Variants in ATP9A observed in about 807,000 individuals in gnomAD.
The protein encoded by ATP9A is probable phospholipid-transporting ATPase IIA.
A neutral mutation model predicts 144.1 loss-of-function variants in ATP9A; 52 were observed. The observed-to-expected ratio is 0.36, with a 90% CI of 0.29 to 0.45. The LOEUF (loss-of-function observed/expected upper bound fraction) is 0.45. Among genes scored for constraint, ATP9A ranks in the 20% least tolerant of loss-of-function variants. ATP9A has a pLI of 1.00. For synonymous variants in ATP9A, 582 were observed against 557.4 expected (o/e 1.04, Z -0.62); for missense variants, 947 against 1,392.7 (o/e 0.68, Z 5.09).
In ATP9A at chr20:51,598,018, T is replaced by C. The variant is rs941133467; in HGVS notation, c.*3193A>G. ...TCTGCTCCAACTTTAAGATGCGCCC[T>C]TGGGATGCCTTCCAAGCAGCTGGAG... On this transcript the variant is annotated 3_prime_UTR_variant, in exon 28 of 28. Transcript: ENST00000338821. 1 of 152,002 alleles carries C rather than the reference T, an allele frequency of 6.6e-6. No homozygotes were observed. The highest frequency in any genetic ancestry group is 2.4e-5 in the African/African-American group (1 of 41,388). 9.4% of individuals were successfully genotyped at this position (152,002 alleles called of 1,614,324 possible). A position where few individuals can be genotyped will look rare whatever the true frequency, so the allele number is the denominator to read the frequency against.
At chr20:51,602,096 A>T (rs1461677306) in intron 27 of ATP9A, among the ~76,000 whole-genome samples, 3 of 152,000 alleles carry the variant, frequency 2.0e-5, no homozygotes, top group African/African-American at 7.3e-5. Flanking sequence ...AGTCTGGGTC[A>T]TGGTGCAAAG....
intron 1 of ATP9A, among the ~76,000 whole-genome samples, chr20:51,736,586 T>A (rs977735021): frequency 1.3e-5 from 2 of 151,478 alleles, no homozygotes. Flanking sequence ...ACTCCTGGGC[T>A]CAAGCTATCC....
chr20:51,663,384 G>A (rs902277938), intron 13 of ATP9A, among the ~76,000 whole-genome samples: 19 of 152,132 alleles, frequency 1.2e-4, no homozygotes, highest in East Asian at 3.9e-4. Context: ...GTGCTTGGCC[G>A]TATGATTTAT....
chr20:51,659,839 T>G (rs2122773353), intron 13 of ATP9A, among the ~76,000 whole-genome samples: 1 of 152,314 alleles, frequency 6.6e-6, no homozygotes, highest in South Asian at 2.1e-4. Context: ...TTCTGGTCAC[T>G]GCGGGGACAC....
At chr20:51,706,429 C>T (rs556803951) in intron 4 of ATP9A, among the ~76,000 whole-genome samples, 1 of 152,062 alleles carries the variant, frequency 6.6e-6, no homozygotes, top group African/African-American at 2.4e-5. Context: ...TCCCTACATC[C>T]ACACCCATAA....
At chr20:51,736,182 C>A (rs1433162927) in intron 1 of ATP9A, among the ~76,000 whole-genome samples, 1 of 152,192 alleles carries the variant, frequency 6.6e-6, no homozygotes. Flanking sequence ...ACTCGCAAAG[C>A]ATGCAAAGAC....
At chr20:51,639,621 T>G in intron 14 of ATP9A, 117 bp from the exon 15 acceptor site, 2 of 1,108,130 alleles carry the variant, frequency 1.8e-6, no homozygotes, top group Non-Finnish European at 2.5e-6. Context: ...CAGTAGTCAC[T>G]GCCCTTAGGG....
At chr20:51,678,749 C>T (rs915811873) in intron 9 of ATP9A, among the ~76,000 whole-genome samples, 10 of 152,194 alleles carry the variant, frequency 6.6e-5, no homozygotes, top group Admixed American at 1.3e-4. Flanking sequence ...TCAGAGAGGG[C>T]CCCAGTAACA....
intron 1 of ATP9A, among the ~76,000 whole-genome samples, chr20:51,736,904 C>T: frequency 6.6e-6 from 1 of 152,056 alleles, no homozygotes; most frequent in Non-Finnish European, 1.5e-5. Context: ...AGGGTACAGA[C>T]TCTCGATATG....
At chr20:51,698,703 A>G (rs1325365868) in intron 4 of ATP9A, among the ~76,000 whole-genome samples, 3 of 152,198 alleles carry the variant, frequency 2.0e-5, no homozygotes, top group Non-Finnish European at 4.4e-5. Context: ...AATTAGACAG[A>G]CGAAGGACAC....
intron 3 of ATP9A, among the ~76,000 whole-genome samples, chr20:51,722,441 C>T (rs879833255): frequency 7.9e-5 from 12 of 152,156 alleles, no homozygotes; most frequent in East Asian, 1.9e-4. Flanking sequence ...ACAATCTATA[C>T]GTCTGACAAA....
At chr20:51,743,856 A>G (rs1443269100) in intron 1 of ATP9A, among the ~76,000 whole-genome samples, 1 of 151,476 alleles carries the variant, frequency 6.6e-6, no homozygotes, top group Admixed American at 6.6e-5. Context: ...AAAATACAAA[A>G]ATTAGCTGGA....
Position 51,689,210 on chromosome 20 carries a change from T to C in ATP9A, c.724-71A>G, listed in dbSNP as rs901168200. 6.9e-5 allele frequency: 103 copies of C among 1,485,888 alleles called. 2 individuals carry two copies. In the Admixed American group the frequency reaches 1.7e-3, roughly 24 times the overall value. 92.0% of individuals were successfully genotyped at this position (1,485,888 alleles called of 1,614,324 possible). Reference sequence around the variant, plus strand: ...CAGAATCCACAGGCTGCTTCTAGCATGGTCCGCTGGAGATAGAAAGACAGG... The same window carrying C: ...CAGAATCCACAGGCTGCTTCTAGCACGGTCCGCTGGAGATAGAAAGACAGG... On this transcript the variant is annotated intron_variant, in intron 8 of 27. Coordinates refer to ENST00000338821, the MANE Select transcript of ATP9A (RefSeq NM_006045.3).
chr20:51,687,799 G>GAATT, intron 9 of ATP9A, among the ~76,000 whole-genome samples: 1 of 151,950 alleles, frequency 6.6e-6, no homozygotes, highest in African/African-American at 2.4e-5. Flanking sequence ...ATGAATGAAT[G>GAATT]AATGAAAGAG....
At chr20:51,709,417 G>A (rs1177994366) in intron 4 of ATP9A, among the ~76,000 whole-genome samples, 4 of 152,020 alleles carry the variant, frequency 2.6e-5, no homozygotes, top group East Asian at 1.9e-4. Flanking sequence ...CGGGAGGCTC[G>A]GGCAGGAGAA....
chr20:51,664,850 G>C (rs2077425831), intron 13 of ATP9A, among the ~76,000 whole-genome samples: 1 of 151,166 alleles, frequency 6.6e-6, no homozygotes, highest in African/African-American at 2.4e-5. Flanking sequence ...CTCCTGAGTA[G>C]CTGGGATTAC....
chr20:51,742,199 C>A (rs140146608), intron 1 of ATP9A, among the ~76,000 whole-genome samples: 1 of 151,992 alleles, frequency 6.6e-6, no homozygotes, highest in Non-Finnish European at 1.5e-5. Context: ...GGTGGACATG[C>A]CTATAGTCTC....
intron 14 of ATP9A, among the ~76,000 whole-genome samples, chr20:51,646,748 A>AT (rs11475833): frequency 0.24 from 35,928 of 151,178 alleles, 4,535 homozygotes; most frequent in Non-Finnish European, 0.27. Flanking sequence ...TACTGCTTCA[A>AT]TTTTTTTTTT....
chr20:51,647,618 T>C (rs1244086085), intron 14 of ATP9A, among the ~76,000 whole-genome samples: 1 of 151,942 alleles, frequency 6.6e-6, no homozygotes, highest in African/African-American at 2.4e-5. Flanking sequence ...TAGTCCCAGC[T>C]ACCCAGGAGG....
Sources: allele counts gnomAD v4.1 joint callset (sites outside exome capture counted in the v4.1 genomes callset), GRCh38; gene constraint gnomAD v4.1.1; transcripts MANE v1.5; gene names NCBI Gene and HGNC (gene_info 2026-07-23, HGNC 2026-07-21).